RIMBP2: variants seen among roughly 807,000 people sequenced by gnomAD.
The protein encoded by RIMBP2 is RIMS binding protein 2, also known as RIMS-binding protein 2.
In RIMBP2, 48 loss-of-function variants were observed where a neutral mutation model predicts 118.6. The observed-to-expected ratio is 0.40, with a 90% CI of 0.32 to 0.51. The LOEUF is 0.51. Among genes scored for constraint, RIMBP2 ranks in the 20% least tolerant of loss-of-function variants. The pLI is 0.41. For synonymous variants in RIMBP2, 762 were observed against 742.9 expected, an observed-to-expected ratio of 1.03 and a Z score of -0.42; for missense variants, 1,551 against 1,768.3, an observed-to-expected ratio of 0.88 and a Z score of 2.20.
chr12:130,504,743 G>A (rs1042455880), intron 4 of RIMBP2, among the ~76,000 whole-genome samples: 5 of 152,022 alleles, frequency 3.3e-5, no homozygotes, highest in East Asian at 3.9e-4. Flanking sequence ...ACAGACACAC[G>A]GTTTCTGAGC....
intron 5 of RIMBP2, 40 bp from the exon 6 acceptor site, chr12:130,470,783 A>C: frequency 8.7e-7 from 1 of 1,149,908 alleles, no homozygotes. Flanking sequence ...TAAATGTCCA[A>C]AGGGGAAAGA....
chr12:130,420,901 G>T lies in RIMBP2; in HGVS notation c.3238+1552C>A, dbSNP rs145779060. The T allele has an allele frequency of 6.6e-6, 1 of 152,294 alleles. No homozygotes were observed. Among genetic ancestry groups the T allele is most frequent in the East Asian group, 1.9e-4 (1 of 5,182 alleles). 9.4% of individuals were successfully genotyped at this position (152,294 alleles called of 1,614,324 possible). ...GAAGACCTACCATGCCTCTTCCAAAGGACGTCCTTTCTGAGCGCCTACAGC... is the reference window on the plus strand; with the variant it reads ...GAAGACCTACCATGCCTCTTCCAAATGACGTCCTTTCTGAGCGCCTACAGC... On this transcript the variant is annotated intron_variant, in intron 17 of 22. Coordinates refer to ENST00000690449, the MANE Select transcript of RIMBP2 (RefSeq NM_001393629.1). This position sits in a 1 kb window ranked among gnomAD's most constrained non-coding sequence, Gnocchi z 4.3.
rs190215577 is a variant in RIMBP2 at position 130,655,990 on chromosome 12, A to G, written c.-351-27534T>C. On this transcript the variant is annotated intron_variant, in intron 1 of 22. Coordinates refer to ENST00000690449, the MANE Select transcript of RIMBP2 (RefSeq NM_001393629.1). ...GTCCTGGAATCCAGCCCTTCTGGGG[A>G]ATGGAGGAAGCTCTCTCATGTCCAT... 3.8e-3 allele frequency among the ~76,000 whole-genome samples: 583 copies of G among 152,284 alleles called. 3 individuals are homozygous for G. The highest frequency in any genetic ancestry group is 0.013 in the African/African-American group (555 of 41,560).
At chr12:130,438,337 C>CA in intron 12 of RIMBP2, 28 bp downstream of exon 12, 1 of 1,214,102 alleles carries the variant, frequency 8.2e-7, no homozygotes. Context: ...CCTAACAAAC[C>CA]CTCCCCACCC....
chr12:130,696,717 CAGA>C (rs1232668344), intron 1 of RIMBP2, among the ~76,000 whole-genome samples: 2 of 152,180 alleles, frequency 1.3e-5, no homozygotes, highest in Admixed American at 1.3e-4. Flanking sequence ...TTGATTTAAT[CAGA>C]AGGAGTAAGG....
intron 1 of RIMBP2, among the ~76,000 whole-genome samples, chr12:130,669,745 AGCTCTTTCCTAGT>A (rs1248581263): frequency 1.3e-5 from 2 of 152,112 alleles, no homozygotes; most frequent in Non-Finnish European, 2.9e-5. Flanking sequence ...GGAATGCAGG[AGCTCTTTCCTAGT>A]GCCTGTGGTC....
chr12:130,666,446 A>G (rs1365528410), intron 1 of RIMBP2, among the ~76,000 whole-genome samples: 1 of 152,158 alleles, frequency 6.6e-6, no homozygotes, highest in Non-Finnish European at 1.5e-5. Context: ...AACTGCATAT[A>G]TTGCTAAAGG....
chr12:130,558,196 G>C (rs569769945), intron 2 of RIMBP2, among the ~76,000 whole-genome samples: 4 of 152,188 alleles, frequency 2.6e-5, no homozygotes, highest in Non-Finnish European at 2.9e-5. Flanking sequence ...GGTCATTCTT[G>C]CCGGTTTTTT....
chr12:130,429,643 A>G (rs532074043), intron 14 of RIMBP2: 2 of 152,274 alleles, frequency 1.3e-5, no homozygotes, highest in Admixed American at 1.3e-4. Context: ...TGACGTATTT[A>G]TCTAAAAAAA....
At chr12:130,577,442 A>G (rs1434848303) in intron 2 of RIMBP2, among the ~76,000 whole-genome samples, 1 of 152,196 alleles carries the variant, frequency 6.6e-6, no homozygotes, top group Non-Finnish European at 1.5e-5. Context: ...CAGGAAACTT[A>G]CAGTCACAGC....
chr12:130,675,044 A>C (rs900713676), intron 1 of RIMBP2, among the ~76,000 whole-genome samples: 1 of 152,114 alleles, frequency 6.6e-6, no homozygotes, highest in Non-Finnish European at 1.5e-5. Context: ...CTTTTTACAG[A>C]TGTTCCCACC....
intron 11 of RIMBP2, among the ~76,000 whole-genome samples, chr12:130,439,939 A>T (rs1330507982): frequency 6.7e-6 from 1 of 149,474 alleles, no homozygotes; most frequent in South Asian, 2.1e-4. Flanking sequence ...GGGTGTGTGT[A>T]CATGTATTCA....
At chr12:130,458,812 AG>A (rs1458026444) in intron 6 of RIMBP2, among the ~76,000 whole-genome samples, 1 of 152,120 alleles carries the variant, frequency 6.6e-6, no homozygotes, top group African/African-American at 2.4e-5. Context: ...TGAGAGGCCG[AG>A]GTGGGCGGAT....
chr12:130,566,776 G>T (rs2057253221), intron 2 of RIMBP2, among the ~76,000 whole-genome samples: 1 of 152,242 alleles, frequency 6.6e-6, no homozygotes, highest in Non-Finnish European at 1.5e-5. Flanking sequence ...ACCAGAGTTT[G>T]TTCTTTTAAA....
At chr12:130,445,001 C>G (rs10848102) in intron 10 of RIMBP2, among the ~76,000 whole-genome samples, 159 bp downstream of exon 10, 83,373 of 152,032 alleles carry the variant, frequency 0.55, 23,218 homozygotes, top group East Asian at 0.77. Context: ...TCAAAGAGGG[C>G]AAACCTGGTA....
At chr12:130,580,933 G>GTC (rs1309579728) in intron 2 of RIMBP2, among the ~76,000 whole-genome samples, 1 of 151,458 alleles carries the variant, frequency 6.6e-6, no homozygotes, top group Non-Finnish European at 1.5e-5. Flanking sequence ...AATGGTGTGT[G>GTC]TGTGTGTGTG....
At chr12:130,408,310 T>TAAGGCACTGTCCTC (rs2075372919) in intron 19 of RIMBP2, among the ~76,000 whole-genome samples, 1 of 152,232 alleles carries the variant, frequency 6.6e-6, no homozygotes, top group Admixed American at 6.5e-5. Flanking sequence ...TAGGCAAAAC[T>TAAGGCACTGTCCTC]AAGGCACTGT....
At chr12:130,464,973 G>A (rs1247439995) in intron 6 of RIMBP2, 1 of 152,370 alleles carries the variant, frequency 6.6e-6, no homozygotes, top group South Asian at 2.1e-4. Context: ...CAGAAAAGAA[G>A]TGAAAAAGGG....
chr12:130,509,726 G>GCCCCCCCCCCCCCCCCCCCCCC (rs376491702), intron 3 of RIMBP2, among the ~76,000 whole-genome samples: 1 of 148,034 alleles, frequency 6.8e-6, no homozygotes, highest in South Asian at 2.2e-4. Context: ...CATGCCCTCT[G>GCCCCCCCCCCCCCCCCCCCCCC]CCCCCCCGCC....
Sources: allele counts gnomAD v4.1 joint callset (sites outside exome capture counted in the v4.1 genomes callset), GRCh38; gene constraint gnomAD v4.1.1; non-coding constraint Gnocchi (gnomAD v3.1); transcripts MANE v1.5; gene names NCBI Gene and HGNC (gene_info 2026-07-23, HGNC 2026-07-21).